Variants in EBF1 observed in about 807,000 individuals in gnomAD.
EBF1 encodes the protein transcription factor COE1.
Under a neutral mutation model 68.4 loss-of-function variants are expected in EBF1, and 10 were observed. The observed-to-expected ratio is 0.15, with a 90% CI of 0.09 to 0.25. The LOEUF (loss-of-function observed/expected upper bound fraction) is 0.25, where lower values mean the gene tolerates loss of function less well. Among genes scored for constraint, EBF1 ranks in the 10% least tolerant of loss-of-function variants. The probability of loss-of-function intolerance (pLI) is 1.00; values close to 1 mark genes in which losing one functional copy is unlikely to be tolerated. For synonymous variants in EBF1, 298 were observed against 299.8 expected (o/e 0.99, Z 0.06); for missense variants, 509 against 794.4 (o/e 0.64, Z 4.32).
At chr5:159,005,236 C>G (rs1193829034) in intron 6 of EBF1, among the ~76,000 whole-genome samples, 1 of 152,120 alleles carries the variant, frequency 6.6e-6, no homozygotes, top group East Asian at 1.9e-4. Context: ...GATTTTAATA[C>G]CAGAGAATGA....
chr5:158,772,876 A>C (rs988640896), intron 10 of EBF1, among the ~76,000 whole-genome samples: 1 of 152,146 alleles, frequency 6.6e-6, no homozygotes, highest in African/African-American at 2.4e-5. Context: ...AAAACTTTAC[A>C]TATGTTTCCC....
chr5:158,701,839 G>A (rs576009761), intron 15 of EBF1, among the ~76,000 whole-genome samples: 4 of 152,226 alleles, frequency 2.6e-5, no homozygotes, highest in Admixed American at 6.5e-5. Flanking sequence ...TTCCTACCTC[G>A]CCTTCATCAG....
chr5:158,855,105 C>A (rs530014959), intron 6 of EBF1, among the ~76,000 whole-genome samples: 1 of 152,030 alleles, frequency 6.6e-6, no homozygotes, highest in East Asian at 1.9e-4. Flanking sequence ...TCCCCTGCAG[C>A]GAGTTAAAAG....
chr5:158,699,277 ATCT>A, intron 15 of EBF1, 135 bp from the exon 16 acceptor site: 1 of 790,370 alleles, frequency 1.3e-6, no homozygotes, highest in East Asian at 2.7e-5. Context: ...ATTTGCTCTC[ATCT>A]TCTCTGGAAT....
chr5:158,992,678 TG>T (rs763218088), intron 6 of EBF1, among the ~76,000 whole-genome samples: 17 of 152,308 alleles, frequency 1.1e-4, no homozygotes, highest in African/African-American at 2.4e-4. Context: ...TTGTTGCAAT[TG>T]TTTTTTTTGG....
At chr5:158,727,762 G>A (rs569830306) in intron 11 of EBF1, among the ~76,000 whole-genome samples, 2 of 152,292 alleles carry the variant, frequency 1.3e-5, no homozygotes, top group African/African-American at 4.8e-5. Flanking sequence ...TTGGTAAATG[G>A]TAAAGATGTC....
chr5:159,045,341 T>C (rs7728978), intron 6 of EBF1, among the ~76,000 whole-genome samples: 3,325 of 152,164 alleles, frequency 0.022, 121 homozygotes, highest in African/African-American at 0.076. Flanking sequence ...AGAGAAGTTA[T>C]ACACAGTTCC....
At chr5:159,017,223 C>G (rs34296591) in intron 6 of EBF1, among the ~76,000 whole-genome samples, 44,404 of 152,058 alleles carry the variant, frequency 0.29, 7,061 homozygotes, top group Non-Finnish European at 0.35. Flanking sequence ...ATCTAGCTAC[C>G]CTGCAGCTAT....
intron 15 of EBF1, among the ~76,000 whole-genome samples, chr5:158,702,743 C>CAAAAAAAAAAAAAA (rs58496050): frequency 2.4e-5 from 1 of 41,588 alleles, no homozygotes; most frequent in Non-Finnish European, 3.9e-5. Context: ...GACTCCTTCT[C>CAAAAAAAAAAAAAA]AAAAAAAAAA....
chr5:158,843,433 C>T (rs939834387), intron 6 of EBF1, among the ~76,000 whole-genome samples: 1 of 152,238 alleles, frequency 6.6e-6, no homozygotes, highest in African/African-American at 2.4e-5. Context: ...GGGCGCCTGT[C>T]AGCAGCCCAT....
intron 14 of EBF1, among the ~76,000 whole-genome samples, chr5:158,708,817 G>T (rs1350859942): frequency 6.6e-6 from 1 of 152,204 alleles, no homozygotes; most frequent in African/African-American, 2.4e-5. Context: ...GAAAAATGCA[G>T]AACTCTACAA....
At position 159,050,006 on chromosome 5, in the gene EBF1, C is replaced by A. The variant is rs576842232; in HGVS notation, c.554+23390G>T. 1.1e-4 allele frequency among the ~76,000 whole-genome samples: 17 copies of A among 152,202 alleles called. 1 individual carries two copies. In the South Asian group the frequency reaches 3.1e-3, roughly 28 times the overall value. ...AAGCACTAAATAAGGTTTAATTTCA[C>A]GGCATTAAAAACAAAACCAAGGATA... On this transcript the variant is annotated intron_variant, in intron 6 of 15. Transcript: ENST00000313708.
intron 6 of EBF1, among the ~76,000 whole-genome samples, chr5:158,914,428 G>T (rs968301155): frequency 6.6e-6 from 1 of 152,092 alleles, no homozygotes; most frequent in Non-Finnish European, 1.5e-5. Context: ...CACGAGGGGG[G>T]TAACCAGTTG....
At chr5:158,942,056 A>G (rs1440757212) in intron 6 of EBF1, among the ~76,000 whole-genome samples, 2 of 152,258 alleles carry the variant, frequency 1.3e-5, no homozygotes, top group African/African-American at 4.8e-5. Flanking sequence ...CACTACAAAC[A>G]CTGAAAATGA....
At chr5:158,925,883 G>C (rs974341044) in intron 6 of EBF1, among the ~76,000 whole-genome samples, 21 of 152,212 alleles carry the variant, frequency 1.4e-4, no homozygotes, top group African/African-American at 4.8e-4. Context: ...AAGAGAATCA[G>C]TGTGCTAATA....
intron 10 of EBF1, among the ~76,000 whole-genome samples, chr5:158,758,862 A>C (rs1202374231): frequency 6.6e-6 from 1 of 152,114 alleles, no homozygotes; most frequent in Admixed American, 6.6e-5. Context: ...ATGACTCAAA[A>C]ATGTGGAGCT....
chr5:158,876,448 A>G (rs1797825763), intron 6 of EBF1, among the ~76,000 whole-genome samples: 1 of 152,084 alleles, frequency 6.6e-6, no homozygotes, highest in African/African-American at 2.4e-5. Context: ...CATTACATGG[A>G]CCAGTTATTA....
At chr5:158,816,674 A>C (rs1236377522) in intron 8 of EBF1, among the ~76,000 whole-genome samples, 1 of 152,188 alleles carries the variant, frequency 6.6e-6, no homozygotes, top group Non-Finnish European at 1.5e-5. Context: ...ATAATGCAGC[A>C]GTCCTCTACT....
chr5:158,889,499 T>C (rs973488640), intron 6 of EBF1, among the ~76,000 whole-genome samples: 5 of 152,184 alleles, frequency 3.3e-5, no homozygotes, highest in African/African-American at 9.7e-5. Flanking sequence ...ACCTCAATGA[T>C]GGCAAAGCTG....
Sources: gnomAD v4.1 joint callset for allele counts (sites outside exome capture counted in the v4.1 genomes callset) on GRCh38, gnomAD v4.1.1 for gene constraint, MANE v1.5 for transcripts, NCBI Gene and HGNC (gene_info 2026-07-23, HGNC 2026-07-21) for gene names.